UBASH3B: variants seen among roughly 807,000 people sequenced by gnomAD.
The protein encoded by UBASH3B is ubiquitin associated and SH3 domain containing B, also known as ubiquitin-associated and SH3 domain-containing protein B.
A neutral mutation model predicts 83.4 loss-of-function variants in UBASH3B; 37 were observed. That is an observed-to-expected ratio of 0.44 (90% CI 0.34 to 0.58). UBASH3B has a LOEUF of 0.58. Ranked by LOEUF, UBASH3B falls within the 20% of genes least tolerant of loss-of-function variation. The pLI is 0.01. For missense variants in UBASH3B, 657 were observed against 827.2 expected (o/e 0.79, Z 2.52); for synonymous variants, 304 against 318.3 (o/e 0.96, Z 0.48).
At chr11:122,769,353 C>T (rs1024862165) in intron 1 of UBASH3B, among the ~76,000 whole-genome samples, 10 of 152,230 alleles carry the variant, frequency 6.6e-5, no homozygotes, top group Non-Finnish European at 1.5e-4. Context: ...ACGCCTCCCA[C>T]CAGGCCCCAC....
At chr11:122,720,682 C>G (rs1860610595) in intron 1 of UBASH3B, among the ~76,000 whole-genome samples, 1 of 152,168 alleles carries the variant, frequency 6.6e-6, no homozygotes, top group African/African-American at 2.4e-5. Flanking sequence ...TTGCCTGGGG[C>G]CTTTGTGCTT....
intron 1 of UBASH3B, among the ~76,000 whole-genome samples, chr11:122,774,958 A>C (rs146033121): frequency 9.3e-4 from 142 of 152,078 alleles, no homozygotes; most frequent in African/African-American, 3.4e-3. Flanking sequence ...ACCAGGTTAG[A>C]TCTCCCTGTC....
chr11:122,666,770 T>C (rs1863525688), intron 1 of UBASH3B, among the ~76,000 whole-genome samples: 1 of 152,038 alleles, frequency 6.6e-6, no homozygotes, highest in Admixed American at 6.6e-5. Context: ...CTCATTTTTT[T>C]CCCCTCTTTT....
intron 1 of UBASH3B, among the ~76,000 whole-genome samples, chr11:122,741,297 A>G (rs750271766): frequency 6.6e-5 from 10 of 152,210 alleles, no homozygotes; most frequent in Non-Finnish European, 1.0e-4. Context: ...AAAATTTTCA[A>G]TTGGATCTTA....
intron 3 of UBASH3B, among the ~76,000 whole-genome samples, chr11:122,779,200 T>G (rs1860801553): frequency 1.3e-5 from 2 of 152,204 alleles, no homozygotes; most frequent in Admixed American, 1.3e-4. Flanking sequence ...TCGCTCCCCT[T>G]TCTTGCTTTC....
chr11:122,753,969 G>A (rs1016904279), intron 1 of UBASH3B, among the ~76,000 whole-genome samples: 1 of 152,170 alleles, frequency 6.6e-6, no homozygotes, highest in Non-Finnish European at 1.5e-5. Context: ...GCGATGTCCA[G>A]CCGAATGTTC....
chr11:122,661,872 A>C (rs58250209), intron 1 of UBASH3B, among the ~76,000 whole-genome samples: 66 of 141,124 alleles, frequency 4.7e-4, no homozygotes, highest in Admixed American at 2.8e-3. Flanking sequence ...AAAAAAAAAA[A>C]ACAAAAAAAA....
intron 5 of UBASH3B, among the ~76,000 whole-genome samples, chr11:122,786,048 T>C (rs534067419): frequency 6.6e-6 from 1 of 152,108 alleles, no homozygotes; most frequent in East Asian, 2.0e-4. Context: ...TGTTTTTGTT[T>C]TTTGTTTTTT....
At chr11:122,662,907 C>G (rs1045018771) in intron 1 of UBASH3B, among the ~76,000 whole-genome samples, 3 of 151,196 alleles carry the variant, frequency 2.0e-5, no homozygotes, top group East Asian at 3.9e-4. Context: ...TTTGGATGTG[C>G]TAGTAGGGTA....
chr11:122,748,978 A>G (rs1861162233), intron 1 of UBASH3B, among the ~76,000 whole-genome samples: 2 of 152,252 alleles, frequency 1.3e-5, no homozygotes, highest in Admixed American at 1.3e-4. Context: ...GGCTACGCCT[A>G]CATGGAGAAT....
At chr11:122,783,249 C>G in intron 5 of UBASH3B, 27 bp downstream of exon 5, 1 of 1,607,016 alleles carries the variant, frequency 6.2e-7, no homozygotes, top group Non-Finnish European at 8.5e-7. Context: ...GTTCCAGAAG[C>G]TACCAGGTGC....
intron 1 of UBASH3B, among the ~76,000 whole-genome samples, chr11:122,762,341 G>A (rs1445032992): frequency 6.6e-6 from 1 of 152,202 alleles, no homozygotes; most frequent in Non-Finnish European, 1.5e-5. Flanking sequence ...CAACTGGGGA[G>A]TAAAGGCTTC....
chr11:122,736,519 C>T (rs1463178651), intron 1 of UBASH3B, among the ~76,000 whole-genome samples: 1 of 150,918 alleles, frequency 6.6e-6, no homozygotes, highest in South Asian at 2.1e-4. Context: ...TAGGGGAACA[C>T]AGAGAGAATG....
intron 1 of UBASH3B, among the ~76,000 whole-genome samples, chr11:122,679,270 A>G (rs548717688): frequency 3.3e-5 from 5 of 152,354 alleles, no homozygotes; most frequent in South Asian, 2.1e-4. Context: ...TGGTGCACCA[A>G]CGCAGTGTAT....
intron 1 of UBASH3B, among the ~76,000 whole-genome samples, chr11:122,731,894 C>T (rs1353025372): frequency 2.0e-5 from 3 of 152,182 alleles, no homozygotes; most frequent in Admixed American, 6.5e-5. Context: ...TAGAGCACTG[C>T]ATTCTGGTCT....
chr11:122,684,264 T>C (rs1863782349), intron 1 of UBASH3B, among the ~76,000 whole-genome samples: 2 of 152,204 alleles, frequency 1.3e-5, no homozygotes, highest in Admixed American at 1.3e-4. Flanking sequence ...TGAATAAGCA[T>C]TTATTGAGTA....
At position 122,776,282 on chromosome 11, in the gene UBASH3B, A is replaced by T; in HGVS notation, c.215+10A>T. On this transcript the variant is annotated intron_variant, in intron 2 of 13. Coordinates refer to ENST00000284273, the MANE Select transcript of UBASH3B (RefSeq NM_032873.5). ...AGGCAGCATGTGACTGGTTGGTATG[A>T]GATAAATAAATTGAGAAAATAGCAT... The T allele has an allele frequency of 1.9e-6, 3 of 1,600,392 alleles. No individual in the cohort carries two copies. Among genetic ancestry groups the T allele is most frequent in the Non-Finnish European group, 2.6e-6 (3 of 1,174,748 alleles).
chr11:122,719,653 A>C (rs1860588129), intron 1 of UBASH3B, among the ~76,000 whole-genome samples: 1 of 152,152 alleles, frequency 6.6e-6, no homozygotes, highest in Non-Finnish European at 1.5e-5. Flanking sequence ...GCAAAACCTA[A>C]AGTGTTAAAT....
intron 1 of UBASH3B, among the ~76,000 whole-genome samples, chr11:122,662,335 T>A (rs186856990): frequency 6.6e-6 from 1 of 152,338 alleles, no homozygotes; most frequent in East Asian, 1.9e-4. Flanking sequence ...ACACAGTACG[T>A]TCACTGCCCC....
Sources: allele counts gnomAD v4.1 joint callset (sites outside exome capture counted in the v4.1 genomes callset), GRCh38; gene constraint gnomAD v4.1.1; transcripts MANE v1.5; gene names NCBI Gene and HGNC (gene_info 2026-07-23, HGNC 2026-07-21).